GABRB3: variants seen among roughly 807,000 people sequenced by gnomAD.
GABRB3 encodes gamma-aminobutyric acid receptor subunit beta-3.
A neutral mutation model predicts 52.1 loss-of-function variants in GABRB3; 14 were observed. The ratio of observed to expected loss-of-function variants is 0.27; its 90% CI spans 0.18 to 0.42. The LOEUF is 0.42. Ranked by LOEUF, GABRB3 falls within the 10% of genes least tolerant of loss-of-function variation. The pLI is 1.00. For missense variants in GABRB3, 307 were observed against 609.1 expected (o/e 0.50, Z 5.22); for synonymous variants, 260 against 232.3 (o/e 1.12, Z -1.08).
intron 4 of GABRB3, among the ~76,000 whole-genome samples, chr15:26,586,243 C>T (rs140144095): frequency 2.0e-5 from 3 of 152,174 alleles, no homozygotes; most frequent in South Asian, 2.1e-4. Flanking sequence ...CCGATCCACC[C>T]GCCTTGGTCT....
intron 3 of GABRB3, chr15:26,624,890 C>G: frequency 1.0e-6 from 1 of 985,460 alleles, no homozygotes; most frequent in Non-Finnish European, 1.2e-6. Context: ...TTGTGACGTG[C>G]AGTGGTGAGC....
intron 4 of GABRB3, among the ~76,000 whole-genome samples, chr15:26,593,667 G>A (rs990949550): frequency 6.6e-6 from 1 of 151,938 alleles, no homozygotes; most frequent in Non-Finnish European, 1.5e-5. Flanking sequence ...TTTTAAAACT[G>A]AAAAAATTCC....
chr15:26,704,734 T>C (rs1006637130), intron 3 of GABRB3, among the ~76,000 whole-genome samples: 5 of 152,240 alleles, frequency 3.3e-5, no homozygotes, highest in Admixed American at 6.5e-5. Flanking sequence ...AGCATGTATA[T>C]AATTCTTAGC....
intron 3 of GABRB3, among the ~76,000 whole-genome samples, chr15:26,759,380 C>T (rs934468835): frequency 1.3e-5 from 2 of 152,180 alleles, no homozygotes; most frequent in Non-Finnish European, 2.9e-5. Context: ...CCTGCCTCAG[C>T]CCCCTGAGTA....
chr15:26,572,622 G>A (rs755946395), intron 6 of GABRB3, among the ~76,000 whole-genome samples: 9 of 152,236 alleles, frequency 5.9e-5, no homozygotes, highest in Admixed American at 2.0e-4. Flanking sequence ...GAAATATGCG[G>A]TATCTATGTG....
At chr15:26,557,283 G>A (rs929057643) in intron 8 of GABRB3, among the ~76,000 whole-genome samples, 2 of 152,154 alleles carry the variant, frequency 1.3e-5, no homozygotes, top group African/African-American at 4.8e-5. Flanking sequence ...TGAGTGTGAA[G>A]GGTGAGAGGA....
chr15:26,564,903 T>C (rs1476262180), intron 7 of GABRB3, among the ~76,000 whole-genome samples: 2 of 152,252 alleles, frequency 1.3e-5, no homozygotes, highest in Non-Finnish European at 2.9e-5. Context: ...TTAGGAATTA[T>C]ATGCAGTAGT....
At chr15:26,651,032 C>T (rs1887181258) in intron 3 of GABRB3, among the ~76,000 whole-genome samples, 1 of 152,198 alleles carries the variant, frequency 6.6e-6, no homozygotes. Context: ...CAGACAAGGG[C>T]TAGGGACCCA....
rs188332449 is a variant in GABRB3, at chr15:26,709,961, T to C, written c.240+62441A>G. 3.3e-3 allele frequency among the ~76,000 whole-genome samples: 497 copies of C among 152,328 alleles called. 3 individuals carry two copies. Among genetic ancestry groups the C allele is most frequent in the African/African-American group, 0.011 (471 of 41,574 alleles). On this transcript the variant is annotated intron_variant, in intron 3 of 8. Coordinates refer to ENST00000311550, the MANE Select transcript of GABRB3 (RefSeq NM_000814.6). ...ATGCATTTTTGCAGTCATTCTCTAC[T>C]TTCACCCCCAGGCAAGTACTGATCT...
intron 8 of GABRB3, among the ~76,000 whole-genome samples, chr15:26,557,234 T>A (rs1358473372): frequency 6.6e-6 from 1 of 151,954 alleles, no homozygotes. Flanking sequence ...TGAGTATGAA[T>A]GGACGAAAAA....
intron 6 of GABRB3, among the ~76,000 whole-genome samples, chr15:26,574,562 G>A (rs542211220): frequency 1.3e-5 from 2 of 151,976 alleles, no homozygotes; most frequent in South Asian, 2.1e-4. Context: ...ATATTTCTTC[G>A]GCAATAAAAA....
At chr15:26,560,724 G>C (rs1889947968) in intron 8 of GABRB3, among the ~76,000 whole-genome samples, 1 of 152,178 alleles carries the variant, frequency 6.6e-6, no homozygotes, top group Non-Finnish European at 1.5e-5. Context: ...GTCCTAGCTA[G>C]ATGGCCAGGA....
At chr15:26,746,790 A>T (rs934546662) in intron 3 of GABRB3, among the ~76,000 whole-genome samples, 4 of 152,094 alleles carry the variant, frequency 2.6e-5, no homozygotes, top group African/African-American at 9.7e-5. Flanking sequence ...GATCGAGACC[A>T]TCCTGGCTAA....
intron 4 of GABRB3, among the ~76,000 whole-genome samples, chr15:26,595,984 T>C (rs2140769390): frequency 6.6e-6 from 1 of 152,300 alleles, no homozygotes; most frequent in Middle Eastern, 3.4e-3. Flanking sequence ...TCTCATTAAA[T>C]GTGTCTTTCT....
At chr15:26,743,504 T>C (rs772278836) in intron 3 of GABRB3, among the ~76,000 whole-genome samples, 1 of 152,196 alleles carries the variant, frequency 6.6e-6, no homozygotes. Context: ...TACTGGTATA[T>C]ATTATTGTAA....
chr15:26,592,227 C>T (rs1375336640), intron 4 of GABRB3, among the ~76,000 whole-genome samples: 2 of 152,152 alleles, frequency 1.3e-5, no homozygotes, highest in Non-Finnish European at 2.9e-5. Flanking sequence ...AAGACCTACC[C>T]TAATTAAGTG....
chr15:26,629,344 C>T (rs1168887146), intron 3 of GABRB3, among the ~76,000 whole-genome samples: 1 of 152,228 alleles, frequency 6.6e-6, no homozygotes, highest in Non-Finnish European at 1.5e-5. Context: ...GGGCAAGCTC[C>T]TCCCTGTGCG....
At chr15:26,574,562 G>C (rs542211220) in intron 6 of GABRB3, among the ~76,000 whole-genome samples, 1 of 151,976 alleles carries the variant, frequency 6.6e-6, no homozygotes, top group Admixed American at 6.6e-5. Context: ...ATATTTCTTC[G>C]GCAATAAAAA....
intron 3 of GABRB3, among the ~76,000 whole-genome samples, chr15:26,752,224 CTTTAT>C: frequency 1.4e-5 from 2 of 146,732 alleles, no homozygotes; most frequent in South Asian, 2.2e-4. Flanking sequence ...CGCTTGCTCT[CTTTAT>C]TTTATTTATT....
Sources: gnomAD v4.1 joint callset for allele counts (sites outside exome capture counted in the v4.1 genomes callset) on GRCh38, gnomAD v4.1.1 for gene constraint, MANE v1.5 for transcripts, NCBI Gene and HGNC (gene_info 2026-07-23, HGNC 2026-07-21) for gene names.